Variants in AFAP1L1 observed in about 807,000 individuals in gnomAD.
The protein encoded by AFAP1L1 is actin filament-associated protein 1-like 1.
A neutral mutation model predicts 99.8 loss-of-function variants in AFAP1L1; 77 were observed. That is an observed-to-expected ratio of 0.77 (90% confidence interval 0.64 to 0.93). The LOEUF (loss-of-function observed/expected upper bound fraction) is 0.93, where lower values mean the gene tolerates loss of function less well. AFAP1L1 is among the 40% of genes least tolerant of loss of function. The pLI is 0.00. For missense variants in AFAP1L1, 893 were observed against 996.8 expected, an observed-to-expected ratio of 0.90 and a Z score of 1.40; for synonymous variants, 373 against 395.3, an observed-to-expected ratio of 0.94 and a Z score of 0.67.
chr5:149,281,968 G>A (rs1755532755), intron 1 of AFAP1L1, among the ~76,000 whole-genome samples: 1 of 152,198 alleles, frequency 6.6e-6, no homozygotes, highest in Admixed American at 6.5e-5. Flanking sequence ...TCCTGCTGTG[G>A]CCCTTGGAGT....
intron 17 of AFAP1L1, 74 bp downstream of exon 17, chr5:149,332,947 G>A (rs758378835): frequency 5.8e-5 from 84 of 1,438,936 alleles, no homozygotes; most frequent in Non-Finnish European, 7.3e-5. Context: ...TCTTCTTCAT[G>A]ATCATTCTTT....
intron 5 of AFAP1L1, among the ~76,000 whole-genome samples, chr5:149,303,131 G>A (rs1756285638): frequency 6.6e-6 from 1 of 152,148 alleles, no homozygotes; most frequent in African/African-American, 2.4e-5. Flanking sequence ...AATTCCATGT[G>A]AATGTTTTGT....
intron 1 of AFAP1L1, among the ~76,000 whole-genome samples, chr5:149,283,791 A>G (rs1389499570): frequency 2.0e-5 from 3 of 152,180 alleles, no homozygotes; most frequent in Non-Finnish European, 4.4e-5. Flanking sequence ...TTTTAGCTCC[A>G]CTTGGACCAA....
intron 1 of AFAP1L1, among the ~76,000 whole-genome samples, chr5:149,291,524 CAAAAAAAA>C (rs1229134807): frequency 1.5e-4 from 2 of 13,396 alleles, no homozygotes; most frequent in African/African-American, 4.5e-4. Context: ...GACTCCGTCT[CAAAAAAAA>C]AAAAAAAAAA....
rs78977449 is a variant in AFAP1L1, at chr5:149,300,447, A to G, written c.229+93A>G. The G allele has an allele frequency of 2.2e-3, 2,436 of 1,113,826 alleles. 54 individuals carry two copies. In the African/African-American group the frequency reaches 0.034, roughly 16 times the overall value. 69.0% of individuals were successfully genotyped at this position (1,113,826 alleles called of 1,614,324 possible). A position where few individuals can be genotyped will look rare whatever the true frequency, so the allele number is the denominator to read the frequency against. On this transcript the variant is annotated intron_variant, in intron 3 of 18. Coordinates refer to ENST00000296721, the MANE Select transcript of AFAP1L1 (RefSeq NM_152406.4). ...CCCGACTGGGCTGGGCTTGGCTCTAACATCGCATCATTAAGTCGCTTTGGG... is the reference window on the plus strand; with the variant it reads ...CCCGACTGGGCTGGGCTTGGCTCTAGCATCGCATCATTAAGTCGCTTTGGG...
In AFAP1L1 at chr5:149,309,987, A is replaced by T. The variant is rs1756566533; in HGVS notation, c.779A>T (p.His260Leu). ...CYKSSKDRQP[H>L]LRLALDTCSI... ...AAAAGCTCCAAGGATCGGCAGCCACATCTGAGGTTGGCACTGGATACCTGC... is the reference window on the plus strand; with the variant it reads ...AAAAGCTCCAAGGATCGGCAGCCACTTCTGAGGTTGGCACTGGATACCTGC... Residue 260 changes from histidine to leucine, a missense_variant, in exon 8 of 19, where the codon CAT becomes CTT. His to Leu is a moderately conservative substitution (Grantham distance 99). Coordinates refer to ENST00000296721, the MANE Select transcript of AFAP1L1 (RefSeq NM_152406.4). 2.5e-6 allele frequency: 4 copies of T among 1,614,054 alleles called. No homozygotes were observed. Among genetic ancestry groups the T allele is most frequent in the South Asian group, 1.1e-5 (1 of 91,088 alleles).
chr5:149,272,088 G>T, intron 1 of AFAP1L1, 104 bp downstream of exon 1: 1 of 1,147,542 alleles, frequency 8.7e-7, no homozygotes, highest in Non-Finnish European at 1.1e-6. Flanking sequence ...GGGCGGTGGG[G>T]CGGGGGCTGA....
chr5:149,300,168 C>T, intron 2 of AFAP1L1, 103 bp from the exon 3 acceptor site: 1 of 739,752 alleles, frequency 1.4e-6, no homozygotes, highest in Non-Finnish European at 2.2e-6. Context: ...ATGCGCTTTG[C>T]AAAGTGAGCA....
At chr5:149,301,755 A>G (rs1047409266) in intron 4 of AFAP1L1, among the ~76,000 whole-genome samples, 8 of 152,216 alleles carry the variant, frequency 5.3e-5, no homozygotes, top group African/African-American at 1.4e-4. Flanking sequence ...AATTAGAGCA[A>G]GGGGCTCATA....
intron 1 of AFAP1L1, among the ~76,000 whole-genome samples, chr5:149,282,682 A>G (rs1295345854): frequency 6.6e-6 from 1 of 152,228 alleles, no homozygotes; most frequent in African/African-American, 2.4e-5. Flanking sequence ...ACAGAGGCCA[A>G]CAAAGCCTAA....
At position 149,314,180 on chromosome 5, in the gene AFAP1L1, T is replaced by G. The variant is rs140983128; in HGVS notation, c.1021-1641T>G. 5.8e-3 allele frequency among the ~76,000 whole-genome samples: 890 copies of G among 152,304 alleles called. 8 individuals are homozygous for G. The highest frequency in any genetic ancestry group is 7.8e-3 in the Non-Finnish European group (528 of 68,014). ...ACCAGGAGTGGAAGATGGGTACTCA[T>G]GTGCCCAGGTGGATGCAGGAGGAGA... On this transcript the variant is annotated intron_variant, in intron 9 of 18. Coordinates refer to ENST00000296721, the MANE Select transcript of AFAP1L1 (RefSeq NM_152406.4).
At chr5:149,275,818 T>G (rs1476177596) in intron 1 of AFAP1L1, among the ~76,000 whole-genome samples, 1 of 152,176 alleles carries the variant, frequency 6.6e-6, no homozygotes. Context: ...CTCTTCTTCT[T>G]CTAAGGACAC....
At chr5:149,321,869 G>A (rs1290540201) in intron 14 of AFAP1L1, among the ~76,000 whole-genome samples, 1 of 151,788 alleles carries the variant, frequency 6.6e-6, no homozygotes, top group African/African-American at 2.4e-5. Flanking sequence ...GCAAAACCCT[G>A]TCTCTACAAA....
At chr5:149,316,786 C>T (rs369756055) in intron 11 of AFAP1L1, among the ~76,000 whole-genome samples, 17 of 152,154 alleles carry the variant, frequency 1.1e-4, no homozygotes, top group African/African-American at 3.1e-4. Flanking sequence ...GTAAATGTAG[C>T]GTTCCATGTA....
At chr5:149,290,890 A>G (rs777519750) in intron 1 of AFAP1L1, among the ~76,000 whole-genome samples, 73 of 152,362 alleles carry the variant, frequency 4.8e-4, no homozygotes, top group Non-Finnish European at 8.5e-4. Flanking sequence ...CATTTGCCCT[A>G]TGTTTGGCGC....
chr5:149,288,873 C>A (rs183418780), intron 1 of AFAP1L1, among the ~76,000 whole-genome samples: 1 of 152,154 alleles, frequency 6.6e-6, no homozygotes, highest in Non-Finnish European at 1.5e-5. Flanking sequence ...AGAGCTGATG[C>A]GAGTAAGGCC....
chr5:149,317,585 A>G (rs1400625980), intron 11 of AFAP1L1, 144 bp from the exon 12 acceptor site: 1 of 753,776 alleles, frequency 1.3e-6, no homozygotes, highest in African/African-American at 1.8e-5. Context: ...AGAAATGCAC[A>G]CCCAAGGTCA....
intron 1 of AFAP1L1, among the ~76,000 whole-genome samples, chr5:149,278,963 T>C (rs1009758077): frequency 6.6e-6 from 1 of 152,186 alleles, no homozygotes; most frequent in Non-Finnish European, 1.5e-5. Context: ...GGCCTCCAGT[T>C]CCTCATGACC....
At chr5:149,281,434 T>A (rs551084100) in intron 1 of AFAP1L1, among the ~76,000 whole-genome samples, 66 of 152,356 alleles carry the variant, frequency 4.3e-4, no homozygotes, top group African/African-American at 1.6e-3. Context: ...CTCCTGACTT[T>A]GGGTTACCAC....
Sources: allele counts gnomAD v4.1 joint callset (sites outside exome capture counted in the v4.1 genomes callset), GRCh38; gene constraint gnomAD v4.1.1; transcripts MANE v1.5; gene names NCBI Gene and HGNC (gene_info 2026-07-23, HGNC 2026-07-21).